The following MKLN1 variants were observed in gnomAD, a reference collection of about 807,000 sequenced individuals.
The protein encoded by MKLN1 is muskelin 1.
Under a neutral mutation model 99.0 loss-of-function variants are expected in MKLN1, and 18 were observed. The ratio of observed to expected loss-of-function variants is 0.18; its 90% CI spans 0.13 to 0.27. The LOEUF is 0.27. Among genes scored for constraint, MKLN1 ranks in the 10% least tolerant of loss-of-function variants. MKLN1 has a pLI of 1.00. For missense variants in MKLN1, 621 were observed against 875.9 expected (o/e 0.71, Z 3.67); for synonymous variants, 288 against 293.2 (o/e 0.98, Z 0.18).
At chr7:131,227,897 C>G (rs1160414094) in intron 3 of MKLN1, among the ~76,000 whole-genome samples, 1 of 151,986 alleles carries the variant, frequency 6.6e-6, no homozygotes, top group East Asian at 1.9e-4. Context: ...ATTATGCATC[C>G]TTTGCTCATG....
At chr7:131,420,748 C>T (rs1188003939) in intron 8 of MKLN1, among the ~76,000 whole-genome samples, 1 of 152,132 alleles carries the variant, frequency 6.6e-6, no homozygotes, top group African/African-American at 2.4e-5. Context: ...AGCTTCCCAG[C>T]CCCCATGGAC....
chr7:131,391,553 A>C (rs563452482), intron 4 of MKLN1, among the ~76,000 whole-genome samples: 1 of 152,336 alleles, frequency 6.6e-6, no homozygotes, highest in East Asian at 1.9e-4. Context: ...CCACATTTCT[A>C]CTGTGTGGCA....
At chr7:131,156,748 G>A (rs1795975228) in intron 2 of MKLN1, among the ~76,000 whole-genome samples, 1 of 152,116 alleles carries the variant, frequency 6.6e-6, no homozygotes, top group Non-Finnish European at 1.5e-5. Context: ...TTCAACCTAC[G>A]ATGGGTTTAT....
chr7:131,333,229 T>G (rs1018187934), intron 1 of MKLN1, among the ~76,000 whole-genome samples: 2 of 151,912 alleles, frequency 1.3e-5, no homozygotes, highest in South Asian at 4.2e-4. Context: ...CAGCCAACCA[T>G]GCCTGGCTAA....
chr7:131,229,718 G>A (rs1002365015), intron 3 of MKLN1, among the ~76,000 whole-genome samples: 12 of 152,086 alleles, frequency 7.9e-5, no homozygotes, highest in African/African-American at 1.9e-4. Context: ...TCCACAGGCT[G>A]CTGATTTTTT....
rs994758800 is a variant in MKLN1, at chr7:131,146,281, G to A, written c.-297+3340G>A. Among the ~76,000 whole-genome samples, 18 of 152,324 alleles carry A rather than the reference G, an allele frequency of 1.2e-4. No individual in the cohort carries two copies. In the East Asian group the frequency reaches 3.5e-3, roughly 29 times the overall value. ...CACTAGAATCCAGGAGTTCAAGACT[G>A]CAGTGAGCTATGATCATGCCACTGC... On this transcript the variant is annotated intron_variant, in intron 2 of 7. Transcript: ENST00000416992.
intron 3 of MKLN1, among the ~76,000 whole-genome samples, chr7:131,266,594 G>A (rs574093605): frequency 6.6e-6 from 1 of 152,152 alleles, no homozygotes; most frequent in African/African-American, 2.4e-5. Flanking sequence ...TGGCCACACA[G>A]GTCTCCCTCA....
chr7:131,309,093 A>G (rs985598412), intron 3 of MKLN1, among the ~76,000 whole-genome samples: 3 of 152,358 alleles, frequency 2.0e-5, no homozygotes, highest in African/African-American at 7.2e-5. Context: ...AGGGAACTAG[A>G]CAGATTATAA....
chr7:131,322,611 C>T (rs1053519214), intron 3 of MKLN1, among the ~76,000 whole-genome samples: 27 of 143,724 alleles, frequency 1.9e-4, no homozygotes, highest in African/African-American at 5.7e-4. Context: ...TCGCCCAGGC[C>T]GGACTGCGGA....
At position 131,471,333 on chromosome 7, in the gene MKLN1, C is replaced by A. The variant is rs149227436; in HGVS notation, c.2031+389C>A. ...TCCCCCAAGAGAGGAAAGAAAACTC[C>A]CCTGTTGCTTAGGGAGAAAATGAAG... On this transcript the variant is annotated intron_variant, in intron 16 of 17. Coordinates refer to ENST00000352689, the MANE Select transcript of MKLN1 (RefSeq NM_013255.5). Among the ~76,000 whole-genome samples, 135 of 152,168 alleles carry A rather than the reference C, an allele frequency of 8.9e-4. 1 individual carries two copies. The highest frequency in any genetic ancestry group is 3.2e-3 in the African/African-American group (134 of 41,510).
At chr7:131,328,250 C>G in intron 1 of MKLN1, 1 of 495,410 alleles carries the variant, frequency 2.0e-6, no homozygotes, top group Non-Finnish European at 3.6e-6. Context: ...CACAGGAGAA[C>G]CGGAAGCCCA....
chr7:131,204,084 T>A (rs1175668972), intron 3 of MKLN1, among the ~76,000 whole-genome samples: 1 of 152,226 alleles, frequency 6.6e-6, no homozygotes, highest in African/African-American at 2.4e-5. Flanking sequence ...CTTCCTAAAT[T>A]GGAATGTTCT....
intron 8 of MKLN1, among the ~76,000 whole-genome samples, chr7:131,421,704 A>G: frequency 6.6e-6 from 1 of 152,138 alleles, no homozygotes; most frequent in East Asian, 1.9e-4. Context: ...ACTCAAAGGA[A>G]TTTTCTTTTG....
intron 2 of MKLN1, among the ~76,000 whole-genome samples, chr7:131,385,498 A>G (rs547283989): frequency 1.3e-5 from 2 of 152,266 alleles, no homozygotes; most frequent in Admixed American, 1.3e-4. Flanking sequence ...TGAGAGTTCC[A>G]GTTTCTTTAC....
At chr7:131,156,591 GCCCATTTTATAATAAAGTGT>G (rs1795970960) in intron 2 of MKLN1, among the ~76,000 whole-genome samples, 1 of 151,906 alleles carries the variant, frequency 6.6e-6, no homozygotes. Context: ...CTAACGCAAA[GCCCATTTTATAATAAAGTGT>G]TGAATTTCTC....
At chr7:131,327,624 T>C (rs1190699752), upstream of MKLN1, 1 of 421,648 alleles carries the variant, frequency 2.4e-6, no homozygotes, top group African/African-American at 2.1e-5. Flanking sequence ...CCTCTGCTTG[T>C]AAGAAAAGTC....
chr7:131,324,841 TA>T (rs1798852129), upstream of MKLN1, among the ~76,000 whole-genome samples: 1 of 152,232 alleles, frequency 6.6e-6, no homozygotes, highest in Non-Finnish European at 1.5e-5. Context: ...ATTCCTCAGA[TA>T]AAGTTCTTTT....
At chr7:131,321,597 T>C (rs1188352734) in intron 3 of MKLN1, among the ~76,000 whole-genome samples, 2 of 152,066 alleles carry the variant, frequency 1.3e-5, no homozygotes, top group African/African-American at 4.8e-5. Context: ...TTAAAAAAAA[T>C]AAAAACTTTT....
intron 2 of MKLN1, among the ~76,000 whole-genome samples, chr7:131,185,110 G>A (rs1355509272): frequency 6.6e-6 from 1 of 152,046 alleles, no homozygotes; most frequent in Admixed American, 6.6e-5. Context: ...GCACCGTAAT[G>A]CTCTGTAAAT....
Sources: allele counts gnomAD v4.1 joint callset (sites outside exome capture counted in the v4.1 genomes callset), GRCh38; gene constraint gnomAD v4.1.1; transcripts MANE v1.5; gene names NCBI Gene and HGNC (gene_info 2026-07-23, HGNC 2026-07-21).